Variants in RUNX1T1 observed in about 807,000 individuals in gnomAD.
RUNX1T1 encodes RUNX1 partner transcriptional co-repressor 1.
RUNX1T1 carries 4 observed loss-of-function variants against 62.8 expected under a neutral mutation model. The observed-to-expected ratio is 0.06, with a 90% CI of 0.03 to 0.15. The LOEUF (loss-of-function observed/expected upper bound fraction) is 0.15. Ranked by LOEUF, RUNX1T1 falls within the 10% of genes least tolerant of loss-of-function variation. RUNX1T1 has a pLI of 1.00. For missense variants in RUNX1T1, 508 were observed against 754.3 expected (o/e 0.67, Z 3.82); for synonymous variants, 291 against 286.0 (o/e 1.02, Z -0.18).
intron 1 of RUNX1T1, among the ~76,000 whole-genome samples, chr8:92,079,499 T>C (rs912771592): frequency 6.6e-6 from 1 of 152,204 alleles, no homozygotes; most frequent in Non-Finnish European, 1.5e-5. Flanking sequence ...TTCAGGACTA[T>C]ACTCAACTTC....
At chr8:92,075,804 CAA>C (rs1037704440) in intron 2 of RUNX1T1, among the ~76,000 whole-genome samples, 159 bp downstream of exon 2, 82 of 152,098 alleles carry the variant, frequency 5.4e-4, no homozygotes, top group African/African-American at 1.9e-3. Context: ...TCCCCACACC[CAA>C]AGATTTCAAA....
rs377385142 is a variant in RUNX1T1 at position 92,095,872 on chromosome 8, T to C, written c.-86+3708A>G. 2.0e-5 allele frequency among the ~76,000 whole-genome samples: 3 copies of C among 152,286 alleles called. No homozygotes were observed. The East Asian group carries it at 5.8e-4, about 30-fold the overall frequency. On this transcript the variant is annotated intron_variant, in intron 1 of 11. Coordinates refer to the RUNX1T1 transcript ENST00000265814. ...CCTGCTCCAGGGCTAGGCTGGAACA[T>C]GTTCGAGATTCTGTCAAGGTCAGAG...
intron 9 of RUNX1T1, 102 bp from the exon 11 acceptor site, chr8:91,970,950 G>GACCA: frequency 1.0e-6 from 1 of 1,003,178 alleles, no homozygotes; most frequent in Non-Finnish European, 1.4e-6. Flanking sequence ...TTCTTTCCGA[G>GACCA]GCTGGTCTCG....
At chr8:91,960,231 T>C in exon 11 of RUNX1T1, 1 of 1,605,244 alleles carries the variant, frequency 6.2e-7, no homozygotes, top group Non-Finnish European at 8.5e-7. Flanking sequence ...CCGACAGTTC[T>C]GAGTTCACGT....
At chr8:91,991,313 T>C (rs1014015649) in intron 6 of RUNX1T1, among the ~76,000 whole-genome samples, 7 of 152,196 alleles carry the variant, frequency 4.6e-5, no homozygotes, top group Non-Finnish European at 2.9e-5. Context: ...TGAAGTCTCA[T>C]GTTGAAAGAG....
chr8:92,086,789 G>A (rs1836187420), intron 1 of RUNX1T1, among the ~76,000 whole-genome samples: 1 of 152,236 alleles, frequency 6.6e-6, no homozygotes, highest in Non-Finnish European at 1.5e-5. Flanking sequence ...CTATCCAAGT[G>A]CTAATTATTT....
chr8:92,032,963 A>G (rs975348260), intron 1 of RUNX1T1, among the ~76,000 whole-genome samples: 1 of 152,200 alleles, frequency 6.6e-6, no homozygotes, highest in Non-Finnish European at 1.5e-5. Context: ...TTCATCCAAC[A>G]AAATGATAGT....
intron 5 of RUNX1T1, among the ~76,000 whole-genome samples, chr8:91,994,009 C>T (rs1016043453): frequency 4.0e-5 from 6 of 151,850 alleles, no homozygotes; most frequent in African/African-American, 7.3e-5. Flanking sequence ...ACAACAACAA[C>T]AACAAAAAAA....
rs971577363 is a variant in RUNX1T1 at position 92,094,600 on chromosome 8, T to C, written c.-86+4980A>G. Among the ~76,000 whole-genome samples, 9 of 152,274 alleles carry C rather than the reference T, an allele frequency of 5.9e-5. No homozygotes were observed. In the East Asian group the frequency reaches 1.4e-3, roughly 23 times the overall value. ...CTCATTCAAGTACCGTCAGCATCAATTTATCACGCATTTAAAACAAGTCAC... is the reference window on the plus strand; with the variant it reads ...CTCATTCAAGTACCGTCAGCATCAACTTATCACGCATTTAAAACAAGTCAC... On this transcript the variant is annotated intron_variant, in intron 1 of 11. Coordinates refer to the RUNX1T1 transcript ENST00000265814.
chr8:92,032,427 A>T (rs1406633788), intron 1 of RUNX1T1, among the ~76,000 whole-genome samples: 1 of 152,200 alleles, frequency 6.6e-6, no homozygotes, highest in Non-Finnish European at 1.5e-5. Context: ...GTAAGTGCAT[A>T]TTTATTTAAT....
chr8:91,987,344 G>A (rs1816785848), intron 6 of RUNX1T1, among the ~76,000 whole-genome samples: 1 of 152,108 alleles, frequency 6.6e-6, no homozygotes, highest in African/African-American at 2.4e-5. Flanking sequence ...AAGCATTGCT[G>A]TCCTGCATTA....
chr8:92,096,107 G>T (rs1272487625), intron 1 of RUNX1T1, among the ~76,000 whole-genome samples: 1 of 152,136 alleles, frequency 6.6e-6, no homozygotes, highest in Non-Finnish European at 1.5e-5. Flanking sequence ...CACACTCAGA[G>T]ATATAAAATA....
chr8:92,100,120 G>A (rs1027704247), upstream of RUNX1T1, among the ~76,000 whole-genome samples: 2 of 152,120 alleles, frequency 1.3e-5, no homozygotes, highest in Non-Finnish European at 2.9e-5. Flanking sequence ...ATAGTGCAAT[G>A]TATTGTATTG....
rs986627673 is a variant in RUNX1T1 at position 92,095,220 on chromosome 8, T to A, written c.-86+4360A>T. On this transcript the variant is annotated intron_variant, in intron 1 of 11. Coordinates refer to the RUNX1T1 transcript ENST00000265814. ...GTTACATCTTCACTTCTCCTGGTCT[T>A]ATCGACTTCTGAATCATTTGGAAAG... is the stretch of plus-strand genomic sequence containing the variant. 3 of 1,533,466 alleles carry A rather than the reference T, an allele frequency of 2.0e-6. No homozygotes were observed. The African/African-American group carries it at 4.1e-5, about 21-fold the overall frequency. 95.0% of individuals were successfully genotyped at this position (1,533,466 alleles called of 1,614,324 possible).
intron 6 of RUNX1T1, among the ~76,000 whole-genome samples, chr8:91,989,686 G>A (rs778572996): frequency 2.0e-5 from 3 of 152,104 alleles, no homozygotes; most frequent in Non-Finnish European, 2.9e-5. Context: ...GTCTCACCGT[G>A]ACCTGAAGAC....
At chr8:92,086,127 C>A (rs1323911471) in intron 1 of RUNX1T1, among the ~76,000 whole-genome samples, 1 of 152,152 alleles carries the variant, frequency 6.6e-6, no homozygotes, top group Non-Finnish European at 1.5e-5. Flanking sequence ...TTTAAATAAC[C>A]AAGCTCCCTC....
intron 1 of RUNX1T1, among the ~76,000 whole-genome samples, chr8:92,062,050 G>A (rs1832123759): frequency 6.6e-6 from 1 of 152,206 alleles, no homozygotes; most frequent in Non-Finnish European, 1.5e-5. Flanking sequence ...TCTAAGGGCT[G>A]TGATTTAGGA....
chr8:92,060,553 A>ATATATATATATATATATGTGTGTG, intron 1 of RUNX1T1, among the ~76,000 whole-genome samples: 4 of 63,938 alleles, frequency 6.3e-5, no homozygotes, highest in Non-Finnish European at 9.8e-5. Flanking sequence ...ATATATATAT[A>ATATATATATATATATATGTGTGTG]TGTGTGTGTG....
chr8:91,970,043 T>TGTGTGTGTGTGTGTTGTG (rs11374252), intron 10 of RUNX1T1, among the ~76,000 whole-genome samples: 137 of 142,810 alleles, frequency 9.6e-4, no homozygotes, highest in African/African-American at 3.3e-3. Flanking sequence ...TGTGTGTGTG[T>TGTGTGTGTGTGTGTTGTG]TGTGTGTGTG....
Sources: allele counts gnomAD v4.1 joint callset (sites outside exome capture counted in the v4.1 genomes callset), GRCh38; gene constraint gnomAD v4.1.1; transcripts MANE v1.5; gene names NCBI Gene and HGNC (gene_info 2026-07-23, HGNC 2026-07-21).